The following MTHFD1 variants were observed in gnomAD, a reference collection of about 807,000 sequenced individuals.
MTHFD1 encodes methylenetetrahydrofolate dehydrogenase, cyclohydrolase and formyltetrahydrofolate synthetase 1.
Under a neutral mutation model 110.3 loss-of-function variants are expected in MTHFD1, and 44 were observed. The observed-to-expected ratio is 0.40, with a 90% CI of 0.31 to 0.51. The LOEUF (loss-of-function observed/expected upper bound fraction) is 0.51, where lower values mean the gene tolerates loss of function less well. Ranked by LOEUF, MTHFD1 falls within the 20% of genes least tolerant of loss-of-function variation. MTHFD1 has a pLI of 0.60. For synonymous variants in MTHFD1, 402 were observed against 428.8 expected (o/e 0.94, Z 0.77); for missense variants, 909 against 1,173.1 (o/e 0.77, Z 3.29).
chr14:64,440,817 G>A, intron 18 of MTHFD1: 1 of 225,446 alleles, frequency 4.4e-6, no homozygotes, highest in South Asian at 6.6e-5. Flanking sequence ...ACATCAGTCA[G>A]CAGCTGAGCT....
rs1404069535 is a variant in MTHFD1 at position 64,388,412 on chromosome 14, C to T, written c.-16C>T. The T allele has an allele frequency of 1.2e-6, 2 of 1,614,156 alleles. No homozygotes were observed. Among genetic ancestry groups the T allele is most frequent in the South Asian group, 1.1e-5 (1 of 91,080 alleles). ...TATTGGTGGTGTCCATCGTGGGCAG[C>T]GGACTAATAAAGGCCATGGCGCCAG... On this transcript the variant is annotated 5_prime_UTR_variant, in exon 1 of 28. Transcript: ENST00000652337.
chr14:64,459,070 T>C (rs2078521480), intron 27 of MTHFD1, among the ~76,000 whole-genome samples: 1 of 152,080 alleles, frequency 6.6e-6, no homozygotes, highest in Non-Finnish European at 1.5e-5. Context: ...TTTTAGACAA[T>C]GGAGGAGTGT....
At chr14:64,432,676 C>T (rs879256073) in intron 15 of MTHFD1, among the ~76,000 whole-genome samples, 2 of 152,186 alleles carry the variant, frequency 1.3e-5, no homozygotes, top group African/African-American at 4.8e-5. Context: ...TGCTAGGGAA[C>T]AGATCAATAG....
intron 15 of MTHFD1, among the ~76,000 whole-genome samples, chr14:64,434,427 C>T (rs1023919035): frequency 2.0e-5 from 3 of 151,948 alleles, no homozygotes; most frequent in Non-Finnish European, 2.9e-5. Context: ...TGGCATGCAC[C>T]TGTAGTTATA....
At chr14:64,419,310 C>A in intron 7 of MTHFD1, 1 of 211,940 alleles carries the variant, frequency 4.7e-6, no homozygotes, top group South Asian at 8.5e-5. Flanking sequence ...GGGCAGTAGT[C>A]TGCTAATAGC....
rs2140968239 is a variant in MTHFD1, at chr14:64,431,541, C to T, written c.1321C>T (p.His441Tyr). 1 of 1,613,738 alleles carries T rather than the reference C, an allele frequency of 6.2e-7. No individual in the cohort carries two copies. The change falls in exon 14 of 28, where the codon CAC becomes TAC. Residue 441 changes from histidine (H) to tyrosine (Y), a missense_variant. Transcript: ENST00000652337. Reference sequence around the variant, plus strand: ...TTCTGTTCTTTTGTAGTTTAATCTCCACCTCACAGGTGACATCCATGCCAT... The same window carrying T: ...TTCTGTTCTTTTGTAGTTTAATCTCTACCTCACAGGTGACATCCATGCCAT... ...QVIPMEEFNL[H>Y]LTGDIHAITA...
At chr14:64,425,210 CTTTT>C (rs60509639) in intron 9 of MTHFD1, among the ~76,000 whole-genome samples, 2 of 128,758 alleles carry the variant, frequency 1.6e-5, no homozygotes, top group African/African-American at 5.7e-5. Context: ...CCTTCCCTTT[CTTTT>C]TTTTTTTTTT....
At chr14:64,456,326 G>A (rs1420015993) in intron 26 of MTHFD1, among the ~76,000 whole-genome samples, 1 of 152,310 alleles carries the variant, frequency 6.6e-6, no homozygotes, top group East Asian at 1.9e-4. Context: ...ACACCTTCCA[G>A]TTGCCGTTGG....
chr14:64,427,442 GC>G lies in MTHFD1; in HGVS notation c.1235del (p.Pro412LeufsTer9). ...AGAATGTCTTTGCGTGTGTGCGACA[GC>G]CTTCTCAGGGCCCCACCTTTGGAAT... ...YQNVFACVRQ[P>X]SQGPTFGIKG... On this transcript the variant is annotated frameshift_variant, in exon 12 of 28. Coordinates refer to ENST00000652337, the MANE Select transcript of MTHFD1 (RefSeq NM_005956.4). LOFTEE classifies it high-confidence loss of function. 6.2e-7 allele frequency: 1 copy of G among 1,614,206 alleles called. No homozygotes were observed. The highest frequency in any genetic ancestry group is 8.5e-7 in the Non-Finnish European group (1 of 1,180,036).
intron 2 of MTHFD1, among the ~76,000 whole-genome samples, chr14:64,410,348 C>A (rs1470889678): frequency 6.6e-6 from 1 of 151,860 alleles, no homozygotes; most frequent in Non-Finnish European, 1.5e-5. Context: ...CCACCTTGGC[C>A]TCCTGAGTGC....
rs778570054 is a variant in MTHFD1 at position 64,425,828 on chromosome 14, G to A, written c.953+1G>A. The A allele has an allele frequency of 1.9e-6, 3 of 1,613,154 alleles. No individual in the cohort carries two copies. The highest frequency in any genetic ancestry group is 1.7e-6 in the Non-Finnish European group (2 of 1,179,294). ...TTAACCTCAAGACACCTGTTCCAAG[G>A]TAAAAATAAAGTTTTACTGATTTAA... On this transcript the variant is annotated splice_donor_variant, in intron 10 of 27. Transcript: ENST00000652337. LOFTEE classifies it high-confidence loss of function.
intron 1 of MTHFD1, among the ~76,000 whole-genome samples, chr14:64,389,640 C>CA (rs954479675): frequency 6.6e-6 from 1 of 151,434 alleles, no homozygotes; most frequent in African/African-American, 2.4e-5. Flanking sequence ...ACCTGGGGGG[C>CA]AGAGGTTGCA....
chr14:64,441,116 T>C, intron 18 of MTHFD1: 2 of 411,386 alleles, frequency 4.9e-6, no homozygotes, highest in Non-Finnish European at 9.3e-6. Context: ...GGCGTGAACC[T>C]GGGAGGTGGA....
intron 1 of MTHFD1, among the ~76,000 whole-genome samples, chr14:64,391,542 G>A (rs2077805545): frequency 1.3e-5 from 2 of 152,044 alleles, no homozygotes; most frequent in African/African-American, 4.8e-5. Context: ...TCCCTGACTC[G>A]TCCTCTTCTA....
intron 2 of MTHFD1, among the ~76,000 whole-genome samples, chr14:64,404,635 T>C (rs2077923520): frequency 6.6e-6 from 1 of 152,178 alleles, no homozygotes; most frequent in African/African-American, 2.4e-5. Context: ...CTCCAATAGA[T>C]CATTTAATCC....
chr14:64,424,394 T>G (rs1329338556), intron 8 of MTHFD1: 2 of 261,678 alleles, frequency 7.6e-6, no homozygotes, highest in Non-Finnish European at 1.5e-5. Context: ...TGCTGACAGT[T>G]GCTGTAGAAA....
chr14:64,415,526 G>T, intron 5 of MTHFD1, 32 bp downstream of exon 5: 2 of 1,613,866 alleles, frequency 1.2e-6, no homozygotes, highest in Non-Finnish European at 1.7e-6. Context: ...ATGTCTCATT[G>T]CATGCTTTCA....
At chr14:64,433,063 CA>C (rs142859697) in intron 15 of MTHFD1, among the ~76,000 whole-genome samples, 2,112 of 151,792 alleles carry the variant, frequency 0.014, 37 homozygotes, top group African/African-American at 0.048. Context: ...CGTCTGGCCA[CA>C]AGGGATTTTT....
Position 64,449,905 on chromosome 14 carries a change from C to T in MTHFD1, c.2457+283C>T, listed in dbSNP as rs148641887. 7.5e-3 allele frequency among the ~76,000 whole-genome samples: 1,143 copies of T among 152,360 alleles called. 7 individuals are homozygous for T. The highest frequency in any genetic ancestry group is 0.027 in the African/African-American group (1,103 of 41,582). ...CTGGGTTCAAGTGATTCTCCTGCCT[C>T]AGCTTCCCAAGTAGCTGGGATTACA... is the stretch of plus-strand genomic sequence containing the variant. On this transcript the variant is annotated intron_variant, in intron 24 of 27. Transcript: ENST00000652337.
Sources: gnomAD v4.1 joint callset for allele counts (sites outside exome capture counted in the v4.1 genomes callset) on GRCh38, gnomAD v4.1.1 for gene constraint, MANE v1.5 for transcripts, NCBI Gene and HGNC (gene_info 2026-07-23, HGNC 2026-07-21) for gene names.